SORCS3: variants seen among roughly 807,000 people sequenced by gnomAD.
The protein encoded by SORCS3 is VPS10 domain-containing receptor SorCS3.
A neutral mutation model predicts 146.3 loss-of-function variants in SORCS3; 57 were observed. The observed-to-expected ratio is 0.39, with a 90% confidence interval of 0.31 to 0.49. SORCS3 has a LOEUF of 0.49. Among genes scored for constraint, SORCS3 ranks in the 20% least tolerant of loss-of-function variants. SORCS3 has a pLI of 0.92. For synonymous variants in SORCS3, 653 were observed against 618.5 expected (o/e 1.06, Z -0.83); for missense variants, 1,341 against 1,575.5 (o/e 0.85, Z 2.52).
chr10:105,107,276 T>C (rs1013683304), intron 7 of SORCS3, among the ~76,000 whole-genome samples: 2 of 152,108 alleles, frequency 1.3e-5, no homozygotes, highest in African/African-American at 4.8e-5. Flanking sequence ...CTCATTGTTA[T>C]GGTCCCCATT....
Position 105,193,244 on chromosome 10 carries a change from C to A in SORCS3, c.2010-6755C>A, listed in dbSNP as rs117641769. Among the ~76,000 whole-genome samples the A allele has an allele frequency of 4.2e-3, 640 of 152,280 alleles. 3 individuals are homozygous for A. Among genetic ancestry groups the A allele is most frequent in the Non-Finnish European group, 5.1e-3 (347 of 68,026 alleles). On this transcript the variant is annotated intron_variant, in intron 14 of 26. Coordinates refer to ENST00000369701, the MANE Select transcript of SORCS3 (RefSeq NM_014978.3). ...AGGGTGACAAGGGACAGAGCATTTGCTGCAATTACTTGCCTGAGATTGTTT... is the reference window on the plus strand; with the variant it reads ...AGGGTGACAAGGGACAGAGCATTTGATGCAATTACTTGCCTGAGATTGTTT...
At chr10:104,861,712 G>A (rs899442538) in intron 2 of SORCS3, among the ~76,000 whole-genome samples, 1 of 152,142 alleles carries the variant, frequency 6.6e-6, no homozygotes, top group Non-Finnish European at 1.5e-5. Context: ...CACCCAGTGG[G>A]AGGATCAGGG....
chr10:104,920,223 G>T (rs2019074050), intron 3 of SORCS3, among the ~76,000 whole-genome samples: 1 of 152,176 alleles, frequency 6.6e-6, no homozygotes, highest in Non-Finnish European at 1.5e-5. Flanking sequence ...TTAACAGATG[G>T]CTGCTGCTTT....
chr10:104,803,274 T>C (rs1364741960), intron 1 of SORCS3, among the ~76,000 whole-genome samples: 1 of 152,228 alleles, frequency 6.6e-6, no homozygotes, highest in Non-Finnish European at 1.5e-5. Flanking sequence ...GAAGTGGTTC[T>C]GTTTCTAAAA....
intron 6 of SORCS3, among the ~76,000 whole-genome samples, 165 bp from the exon 7 acceptor site, chr10:105,105,232 G>A (rs955739862): frequency 2.0e-5 from 3 of 152,096 alleles, no homozygotes; most frequent in Admixed American, 1.3e-4. Context: ...TAGATATTAC[G>A]ATTTTTTGGG....
chr10:104,705,425 C>T (rs1589465551), intron 1 of SORCS3, among the ~76,000 whole-genome samples: 1 of 151,940 alleles, frequency 6.6e-6, no homozygotes, highest in Non-Finnish European at 1.5e-5. Flanking sequence ...CCACTCACAC[C>T]GAATTAGGTT....
intron 1 of SORCS3, among the ~76,000 whole-genome samples, chr10:104,818,541 C>T (rs900580330): frequency 5.9e-5 from 9 of 151,928 alleles, no homozygotes; most frequent in South Asian, 2.1e-4. Flanking sequence ...AAGAGGGTCC[C>T]GTAGGCTCCC....
chr10:104,773,861 A>G (rs2017278834), intron 1 of SORCS3, among the ~76,000 whole-genome samples: 1 of 152,162 alleles, frequency 6.6e-6, no homozygotes, highest in Non-Finnish European at 1.5e-5. Context: ...GGTCTCTGAG[A>G]TATTTGTTGC....
intron 1 of SORCS3, among the ~76,000 whole-genome samples, chr10:104,811,960 G>A (rs780294738): frequency 6.6e-6 from 1 of 152,112 alleles, no homozygotes; most frequent in Admixed American, 6.6e-5. Flanking sequence ...TGCATCTAAT[G>A]AAATTATACG....
chr10:104,923,323 T>G (rs1429311081), intron 3 of SORCS3, among the ~76,000 whole-genome samples: 2 of 152,212 alleles, frequency 1.3e-5, no homozygotes. Context: ...TATGACTACA[T>G]GTTGGCTGGC....
At chr10:104,874,676 T>C (rs1474197228) in intron 2 of SORCS3, among the ~76,000 whole-genome samples, 2 of 152,196 alleles carry the variant, frequency 1.3e-5, no homozygotes, top group African/African-American at 4.8e-5. Context: ...GGTGTCATAA[T>C]GGAGGAAGCT....
chr10:105,025,628 T>C (rs2055223160), intron 4 of SORCS3, among the ~76,000 whole-genome samples: 1 of 152,098 alleles, frequency 6.6e-6, no homozygotes, highest in African/African-American at 2.4e-5. Context: ...TTGCCTGGCA[T>C]TTTCTAGCTT....
intron 3 of SORCS3, among the ~76,000 whole-genome samples, chr10:104,945,801 T>A (rs896753317): frequency 1.3e-5 from 2 of 150,100 alleles, no homozygotes; most frequent in Admixed American, 6.6e-5. Context: ...TTTTTTTTTT[T>A]AAACTGTGTT....
chr10:104,969,712 G>A (rs565164836), intron 3 of SORCS3, among the ~76,000 whole-genome samples: 17 of 152,190 alleles, frequency 1.1e-4, no homozygotes, highest in African/African-American at 3.9e-4. Context: ...ATGTCAATAT[G>A]CTTTATTATA....
Position 105,262,359 on chromosome 10 carries a change from C to G in SORCS3, c.3472C>G (p.Gln1158Glu), listed in dbSNP as rs1163263863. The G allele has an allele frequency of 6.2e-7, 1 of 1,613,928 alleles. No individual in the cohort carries two copies. The highest frequency in any genetic ancestry group is 2.2e-5 in the East Asian group (1 of 44,886). ...AATCCCTTGGATTAACATCTATGCT[C>G]AAGTCCAACACGACAAGGAGCAGGA... ...RKIPWINIYA[Q>E]VQHDKEQEMI... The change falls in exon 26 of 27, where the codon CAA becomes GAA. Residue 1158 changes from glutamine (Q) to glutamate (E), a missense_variant. Transcript: ENST00000369701.
intron 3 of SORCS3, among the ~76,000 whole-genome samples, chr10:104,976,565 A>C (rs2054898579): frequency 6.6e-6 from 1 of 152,138 alleles, no homozygotes; most frequent in Non-Finnish European, 1.5e-5. Context: ...TACTGGGTAT[A>C]TACCCAAAGG....
At chr10:105,060,712 GCGGAT>G (rs1272886934) in intron 5 of SORCS3, among the ~76,000 whole-genome samples, 1 of 152,148 alleles carries the variant, frequency 6.6e-6, no homozygotes, top group Non-Finnish European at 1.5e-5. Flanking sequence ...GCTGAGGCAG[GCGGAT>G]CACCTAGGTC....
At chr10:104,834,088 C>T (rs2018038420) in intron 1 of SORCS3, among the ~76,000 whole-genome samples, 1 of 152,188 alleles carries the variant, frequency 6.6e-6, no homozygotes, top group Non-Finnish European at 1.5e-5. Flanking sequence ...TCCTGCCCCT[C>T]TTCACCTGTC....
At chr10:105,112,390 T>C (rs1475765424) in intron 7 of SORCS3, among the ~76,000 whole-genome samples, 2 of 152,174 alleles carry the variant, frequency 1.3e-5, no homozygotes, top group African/African-American at 2.4e-5. Context: ...TTTGTATCGA[T>C]AGTAATCAAT....
Sources: allele counts gnomAD v4.1 joint callset (sites outside exome capture counted in the v4.1 genomes callset), GRCh38; gene constraint gnomAD v4.1.1; transcripts MANE v1.5; gene names NCBI Gene and HGNC (gene_info 2026-07-23, HGNC 2026-07-21).